Variants in GREB1 observed in about 807,000 individuals in gnomAD.
GREB1 encodes growth regulating estrogen receptor binding 1.
GREB1 carries 106 observed loss-of-function variants against 200.7 expected under a neutral mutation model. The ratio of observed to expected loss-of-function variants is 0.53; its 90% CI spans 0.45 to 0.62. The LOEUF (loss-of-function observed/expected upper bound fraction) is 0.62. GREB1 is among the 20% of genes least tolerant of loss of function. The pLI is 0.00. For missense variants in GREB1, 2,243 were observed against 2,556.8 expected (o/e 0.88, Z 2.65); for synonymous variants, 1,132 against 1,092.4 (o/e 1.04, Z -0.72).
chr2:11,522,201 T>C (rs1477530445), intron 1 of GREB1, among the ~76,000 whole-genome samples: 1 of 152,170 alleles, frequency 6.6e-6, no homozygotes, highest in Admixed American at 6.5e-5. Context: ...ACATTAATTC[T>C]AAATATGAAT....
At chr2:11,589,945 C>A (rs1027981413) in intron 10 of GREB1, among the ~76,000 whole-genome samples, 1 of 152,100 alleles carries the variant, frequency 6.6e-6, no homozygotes, top group African/African-American at 2.4e-5. Flanking sequence ...CATGGACAGG[C>A]CTTGAGTCCC....
intron 1 of GREB1, among the ~76,000 whole-genome samples, chr2:11,483,685 GGGGTGTGTGTGTGTGTGTGTGT>G: frequency 9.8e-6 from 1 of 102,146 alleles, no homozygotes; most frequent in African/African-American, 4.0e-5. Context: ...AGTACAAGAA[GGGGTGTGTGTGTGTGTGTGTGT>G]GTGTGTGTGT....
chr2:11,615,357 AG>A, intron 20 of GREB1, 67 bp downstream of exon 20: 1 of 1,374,594 alleles, frequency 7.3e-7, no homozygotes, highest in East Asian at 2.5e-5. Flanking sequence ...CTGAGCTTTG[AG>A]GCTGCCTGTG....
chr2:11,597,936 G>C lies in GREB1; in HGVS notation c.2110G>C (p.Glu704Gln), dbSNP rs374769700. The change falls in exon 14 of 33, where the codon GAA becomes CAA. Residue 704 changes from glutamate (E) to glutamine (Q), a missense_variant. Glu to Gln is a conservative substitution (Grantham distance 29, BLOSUM62 2). Around this residue, in one of 3 missense-constraint regions of GREB1, gnomAD observed 1,178 missense variants for 1,387.4 expected, o/e 0.85. Coordinates refer to ENST00000381486, the MANE Select transcript of GREB1 (RefSeq NM_014668.4). The surrounding 1 kb of genome is among the most constrained non-coding windows in gnomAD (Gnocchi z 4.1). Reference protein sequence around the residue: ...VDFLICIPPSEVTYQQTLLHV... With the variant: ...VDFLICIPPSQVTYQQTLLHV... ...CTTTCTCATTTGCATTCCCCCCTCA[G>C]AAGTGACCTACCAGCAGACTCTGCT... 6.2e-7 allele frequency: 1 copy of C among 1,614,082 alleles called. No homozygotes were observed. The highest frequency in any genetic ancestry group is 8.5e-7 in the Non-Finnish European group (1 of 1,180,034).
chr2:11,614,633 G>A (rs550228790), intron 19 of GREB1, among the ~76,000 whole-genome samples: 42 of 151,526 alleles, frequency 2.8e-4, no homozygotes, highest in African/African-American at 7.0e-4. Context: ...ACACAATCTC[G>A]GCTCACGGCA....
intron 26 of GREB1, among the ~76,000 whole-genome samples, chr2:11,630,556 C>G (rs1350340473): frequency 1.3e-5 from 2 of 152,176 alleles, no homozygotes; most frequent in African/African-American, 4.8e-5. Context: ...ATCCCTAGGG[C>G]CCATTACCAA....
chr2:11,605,427 C>T (rs113819160), intron 17 of GREB1, among the ~76,000 whole-genome samples: 5,259 of 151,884 alleles, frequency 0.035, 310 homozygotes, highest in African/African-American at 0.12. Context: ...GGTTTCACCA[C>T]GTTGGTCAGG....
Position 11,629,983 on chromosome 2 carries a change from T to G in GREB1, c.4485T>G (p.Ser1495=), listed in dbSNP as rs780135348. 3 of 1,614,112 alleles carry G rather than the reference T, an allele frequency of 1.9e-6. No homozygotes were observed. In the South Asian group the frequency reaches 3.3e-5, roughly 18 times the overall value. The part of the protein sequence containing the change: ...YESTLHAFAF[S]YSMLGEEIQL... Reference sequence around the variant, plus strand: ...CCACCCTGCACGCCTTTGCCTTCTCTTACTCCATGCTAGGAGAGGAGATCC... The same window carrying G: ...CCACCCTGCACGCCTTTGCCTTCTCGTACTCCATGCTAGGAGAGGAGATCC... The change falls in exon 26 of 33, where the codon TCT becomes TCG. Residue 1495 remains serine, a synonymous_variant. Transcript: ENST00000381486. The surrounding 1 kb of genome is among the most constrained non-coding windows in gnomAD (Gnocchi z 5.2).
intron 1 of GREB1, among the ~76,000 whole-genome samples, chr2:11,484,344 A>C (rs1052280924): frequency 6.6e-6 from 1 of 152,172 alleles, no homozygotes; most frequent in African/African-American, 2.4e-5. Flanking sequence ...TTTCATGCCA[A>C]AATCTGGTTC....
At chr2:11,546,104 G>C (rs1309052781) in intron 1 of GREB1, among the ~76,000 whole-genome samples, 3 of 152,176 alleles carry the variant, frequency 2.0e-5, no homozygotes, top group Non-Finnish European at 4.4e-5. Context: ...TTGAACCCAG[G>C]AGGTGGAGGT....
intron 1 of GREB1, among the ~76,000 whole-genome samples, chr2:11,508,968 G>A (rs796581775): frequency 1.5e-4 from 22 of 149,256 alleles, no homozygotes; most frequent in African/African-American, 4.0e-4. Flanking sequence ...TCCGCCTCCC[G>A]GGTTCACGCC....
At position 11,618,657 on chromosome 2, in the gene GREB1, T is replaced by C; in HGVS notation, c.3782T>C (p.Leu1261Ser). 6.2e-7 allele frequency: 1 copy of C among 1,613,738 alleles called. No homozygotes were observed. Among genetic ancestry groups the C allele is most frequent in the Non-Finnish European group, 8.5e-7 (1 of 1,179,976 alleles). ...KACRQPPIVF[L>S]PKLVYDMVVS... is the part of the protein sequence containing the mutation. ...TGCCGCCAGCCACCCATTGTCTTCT[T>C]GCCCAAGCTCGTGTACGACATGGTT... The change falls in exon 22 of 33, where the codon TTG (leucine) becomes TCG (serine). Residue 1261 changes from leucine (L) to serine (S), a missense_variant. Coordinates refer to ENST00000381486, the MANE Select transcript of GREB1 (RefSeq NM_014668.4).
intron 20 of GREB1, among the ~76,000 whole-genome samples, chr2:11,616,055 T>C (rs977646599): frequency 6.6e-6 from 1 of 152,270 alleles, no homozygotes; most frequent in Non-Finnish European, 1.5e-5. Flanking sequence ...GATTTAATTC[T>C]TTCATTTGTG....
At chr2:11,500,622 G>T (rs1673010302) in intron 1 of GREB1, among the ~76,000 whole-genome samples, 1 of 152,142 alleles carries the variant, frequency 6.6e-6, no homozygotes, top group African/African-American at 2.4e-5. Context: ...TATTCTTATT[G>T]CAGCAACAAA....
rs1025007313 is a variant in GREB1 at position 11,584,884 on chromosome 2, C to T, written c.902-277C>T. ...TAGTGCGCTATGCCGATCGGGTGTCCGCACTAAGTTTGGCATCAATATGGT... is the reference window on the plus strand; with the variant it reads ...TAGTGCGCTATGCCGATCGGGTGTCTGCACTAAGTTTGGCATCAATATGGT... On this transcript the variant is annotated intron_variant, in intron 7 of 32. Transcript: ENST00000381486. 2.1e-5 allele frequency: 6 copies of T among 289,870 alleles called. No individual in the cohort carries two copies. In the East Asian group the frequency reaches 2.7e-4, roughly 13 times the overall value. 18.0% of individuals were successfully genotyped at this position (289,870 alleles called of 1,614,324 possible).
At chr2:11,614,478 C>T (rs1271208454) in intron 19 of GREB1, among the ~76,000 whole-genome samples, 1 of 152,038 alleles carries the variant, frequency 6.6e-6, no homozygotes, top group Non-Finnish European at 1.5e-5. Flanking sequence ...ATCAGAGCCT[C>T]AGAGAAGTTG....
chr2:11,612,151 G>A (rs1324314830), intron 18 of GREB1: 5 of 201,778 alleles, frequency 2.5e-5, no homozygotes, highest in Non-Finnish European at 3.6e-5. Context: ...CTGAGATTGC[G>A]CCACTGCACT....
chr2:11,548,291 C>CGT lies in GREB1; in HGVS notation c.-161-8161_-161-8160dup, dbSNP rs1553350418. 6.6e-6 allele frequency among the ~76,000 whole-genome samples: 1 copy of CGT among 151,750 alleles called. No homozygotes were observed. The highest frequency in any genetic ancestry group is 2.4e-5 in the African/African-American group (1 of 41,282). On this transcript the variant is annotated intron_variant, in intron 1 of 32. Transcript: ENST00000381486. This position sits in a 1 kb window ranked among gnomAD's most constrained non-coding sequence, Gnocchi z 5.1. ...ATGTACAGCCAGACACATGCACACA[C>CGT]GTGCACATACCCACATATGCACACA...
At chr2:11,547,006 C>T (rs535762600) in intron 1 of GREB1, among the ~76,000 whole-genome samples, 10 of 147,376 alleles carry the variant, frequency 6.8e-5, no homozygotes, top group East Asian at 3.9e-4. Context: ...ATTGCAATGG[C>T]GCAATCTCGG....
Sources: gnomAD v4.1 joint callset for allele counts (sites outside exome capture counted in the v4.1 genomes callset) on GRCh38, gnomAD v4.1.1 for gene constraint, gnomAD v4.1.1 regional missense constraint, Gnocchi (gnomAD v3.1) non-coding constraint, MANE v1.5 for transcripts, NCBI Gene and HGNC (gene_info 2026-07-23, HGNC 2026-07-21) for gene names.